Variants in C14orf180 observed in about 807,000 individuals in gnomAD.
The protein encoded by C14orf180 is nutritionally-regulated adipose and cardiac enriched protein homolog.
In C14orf180, 13 loss-of-function variants were observed where a neutral mutation model predicts 13.9. The observed-to-expected ratio is 0.94, with a 90% CI of 0.61 to 1.49. The LOEUF is 1.49. Ranked by LOEUF, C14orf180 falls within the 40% of genes most tolerant of loss-of-function variation. The pLI is 0.00. For missense variants in C14orf180, 238 were observed against 232.0 expected, an observed-to-expected ratio of 1.03 and a Z score of -0.17; for synonymous variants, 113 against 106.3, an observed-to-expected ratio of 1.06 and a Z score of -0.39.
At chr14:104,581,436 C>G (rs992230643) in intron 1 of C14orf180, 2 of 152,236 alleles carry the variant, frequency 1.3e-5, no homozygotes. Context: ...CCGAGAGCAG[C>G]AAGTCAGCCG....
In C14orf180 at chr14:104,589,097, C is replaced by G; in HGVS notation, c.*314C>G. On this transcript the variant is annotated 3_prime_UTR_variant, in exon 5 of 5. Transcript: ENST00000557649. This position sits in a 1 kb window ranked among gnomAD's most constrained non-coding sequence, Gnocchi z 4.9. ...CAGGCTCACCCAAAGACCCCTCCCT[C>G]GTCCCAGCAGGAACTCCTGCTGCTG... The G allele has an allele frequency of 1.9e-6, 1 of 514,530 alleles. No homozygotes were observed. Among genetic ancestry groups the G allele is most frequent in the Non-Finnish European group, 3.3e-6 (1 of 300,878 alleles). The allele number at this position is 514,530 out of a possible 1,614,324, so 31.9% of individuals were successfully genotyped here. A position where few individuals can be genotyped will look rare whatever the true frequency, so the allele number is the denominator to read the frequency against.
intron 2 of C14orf180, 108 bp downstream of exon 2, chr14:104,586,649 A>T: frequency 4.3e-5 from 7 of 163,564 alleles, no homozygotes; most frequent in South Asian, 8.7e-5. Context: ...CCCAGGAATC[A>T]GGGGGTGATA....
intron 1 of C14orf180, chr14:104,581,081 C>G (rs953141249): frequency 6.6e-6 from 1 of 152,320 alleles, no homozygotes; most frequent in African/African-American, 2.4e-5. Context: ...GGGGCCTCCC[C>G]ACAAGTTCTC....
chr14:104,589,058 C>T lies in C14orf180; in HGVS notation c.*275C>T. The T allele has an allele frequency of 3.2e-6, 2 of 628,392 alleles. No individual in the cohort carries two copies. Among genetic ancestry groups the T allele is most frequent in the South Asian group, 2.5e-5 (1 of 40,570 alleles). 38.9% of individuals were successfully genotyped at this position (628,392 alleles called of 1,614,324 possible). A position where few individuals can be genotyped will look rare whatever the true frequency, so the allele number is the denominator to read the frequency against. On this transcript the variant is annotated 3_prime_UTR_variant, in exon 5 of 5. Coordinates refer to ENST00000557649, the MANE Select transcript of C14orf180 (RefSeq NM_001008404.3). This position sits in a 1 kb window ranked among gnomAD's most constrained non-coding sequence, Gnocchi z 4.9. ...ATTAGAAAGAGGATTCGACTGCTAACAGTTGAGGCTCCCCAGGCTCACCCA... is the reference window on the plus strand; with the variant it reads ...ATTAGAAAGAGGATTCGACTGCTAATAGTTGAGGCTCCCCAGGCTCACCCA...
At chr14:104,586,804 G>C (rs1596289675) in intron 2 of C14orf180, among the ~76,000 whole-genome samples, 1 of 152,182 alleles carries the variant, frequency 6.6e-6, no homozygotes, top group African/African-American at 2.4e-5. Flanking sequence ...GGAGGGCTGT[G>C]GAAGAGGCAG....
intron 2 of C14orf180, 79 bp downstream of exon 2, chr14:104,586,620 T>G: frequency 2.8e-6 from 2 of 711,230 alleles, no homozygotes; most frequent in Non-Finnish European, 4.0e-6. Flanking sequence ...GCAACAGACG[T>G]GGAAAGGCCA....
At chr14:104,586,795 G>C (rs1335508856) in intron 2 of C14orf180, among the ~76,000 whole-genome samples, 3 of 152,192 alleles carry the variant, frequency 2.0e-5, no homozygotes, top group Non-Finnish European at 2.9e-5. Context: ...GGGAGCCATG[G>C]AGGGCTGTGG....
At chr14:104,588,245 C>G (rs1395560626) in intron 3 of C14orf180, 29 bp from the exon 4 acceptor site, 2 of 1,613,760 alleles carry the variant, frequency 1.2e-6, no homozygotes, top group South Asian at 1.1e-5. Flanking sequence ...GGCAGGTGCC[C>G]CCAGCTGACT....
chr14:104,583,199 T>C (rs906178596), intron 1 of C14orf180, among the ~76,000 whole-genome samples: 1 of 151,534 alleles, frequency 6.6e-6, no homozygotes, highest in South Asian at 2.1e-4. Context: ...CACGTGAAGG[T>C]GCATCTCTGG....
At chr14:104,585,081 C>T (rs954606527) in intron 1 of C14orf180, among the ~76,000 whole-genome samples, 1 of 152,256 alleles carries the variant, frequency 6.6e-6, no homozygotes, top group Non-Finnish European at 1.5e-5. Context: ...CCCTTCTCAG[C>T]CCTTGGGGGC....
chr14:104,580,710 G>A (rs1249065732), intron 1 of C14orf180, among the ~76,000 whole-genome samples: 1 of 150,030 alleles, frequency 6.7e-6, no homozygotes, highest in African/African-American at 2.5e-5. Context: ...GCCCTGTGTG[G>A]CCATGGGACC....
chr14:104,587,308 G>C (rs1424752382), intron 2 of C14orf180, among the ~76,000 whole-genome samples: 1 of 152,182 alleles, frequency 6.6e-6, no homozygotes, highest in Non-Finnish European at 1.5e-5. Context: ...GGAAAAGGAG[G>C]CCGAGGCCAC....
rs778515973 is a variant in C14orf180 at position 104,588,319 on chromosome 14, G to A, written c.277+10G>A. 2 of 1,613,246 alleles carry A rather than the reference G, an allele frequency of 1.2e-6. No homozygotes were observed. Among genetic ancestry groups the A allele is most frequent in the Non-Finnish European group, 1.7e-6 (2 of 1,180,018 alleles). Reference sequence around the variant, plus strand: ...ACAGCCACTGTCAGGGGTGAGTTCTGAGCCCACATCCCTGTGCCCCACTGC... The same window carrying A: ...ACAGCCACTGTCAGGGGTGAGTTCTAAGCCCACATCCCTGTGCCCCACTGC... On this transcript the variant is annotated intron_variant, in intron 4 of 4. Transcript: ENST00000557649.
intron 1 of C14orf180, among the ~76,000 whole-genome samples, chr14:104,582,156 C>T (rs1490917236): frequency 1.3e-5 from 2 of 152,140 alleles, no homozygotes; most frequent in Non-Finnish European, 2.9e-5. Flanking sequence ...AAAGGGCGGG[C>T]GGCACGGGCC....
At chr14:104,587,347 G>C (rs562635897) in intron 2 of C14orf180, among the ~76,000 whole-genome samples, 1 of 152,170 alleles carries the variant, frequency 6.6e-6, no homozygotes, top group Non-Finnish European at 1.5e-5. Context: ...GCCCTGGCCC[G>C]GCCCCTGCCC....
chr14:104,580,737 C>T (rs917207846), intron 1 of C14orf180, among the ~76,000 whole-genome samples: 4 of 92,630 alleles, frequency 4.3e-5, no homozygotes, highest in African/African-American at 1.8e-4. Flanking sequence ...CAGCACTGGA[C>T]GCCACGCCAT....
intron 2 of C14orf180, among the ~76,000 whole-genome samples, chr14:104,587,031 C>A (rs1260711222): frequency 6.6e-6 from 1 of 152,184 alleles, no homozygotes; most frequent in Non-Finnish European, 1.5e-5. Flanking sequence ...GGCAGCCTCG[C>A]CAGATGCCGA....
chr14:104,586,099 C>G (rs1027770763), intron 1 of C14orf180, among the ~76,000 whole-genome samples: 2 of 152,156 alleles, frequency 1.3e-5, no homozygotes, highest in Non-Finnish European at 2.9e-5. Flanking sequence ...TCATGAATAC[C>G]CAATCATCGA....
intron 4 of C14orf180, 106 bp from the exon 5 acceptor site, chr14:104,588,472 T>TG: frequency 6.9e-7 from 1 of 1,457,360 alleles, no homozygotes; most frequent in Non-Finnish European, 9.3e-7. Context: ...GGAGGGGCCA[T>TG]GGGCATGGAC....
Sources: allele counts gnomAD v4.1 joint callset (sites outside exome capture counted in the v4.1 genomes callset), GRCh38; gene constraint gnomAD v4.1.1; non-coding constraint Gnocchi (gnomAD v3.1); transcripts MANE v1.5; gene names NCBI Gene and HGNC (gene_info 2026-07-23, HGNC 2026-07-21).